CDH3: variants seen among roughly 807,000 people sequenced by gnomAD.
The protein encoded by CDH3 is cadherin-3.
Under a neutral mutation model 82.0 loss-of-function variants are expected in CDH3, and 54 were observed. The ratio of observed to expected loss-of-function variants is 0.66; its 90% CI spans 0.53 to 0.83. CDH3 has a LOEUF of 0.83. Among genes scored for constraint, CDH3 ranks in the 40% least tolerant of loss-of-function variants. The pLI, the probability that CDH3 is intolerant of heterozygous loss-of-function variation, is 0.00. For missense variants in CDH3, 1,054 were observed against 1,084.6 expected (o/e 0.97, Z 0.40); for synonymous variants, 446 against 437.9 (o/e 1.02, Z -0.23).
chr16:68,667,202 A>G (rs1214165969), intron 2 of CDH3, among the ~76,000 whole-genome samples: 1 of 152,120 alleles, frequency 6.6e-6, no homozygotes, highest in Admixed American at 6.6e-5. Flanking sequence ...ACTTCCACCT[A>G]CTTTTCCCCG....
At chr16:68,698,048 T>C (rs1190086977) in intron 15 of CDH3, 143 bp from the exon 16 acceptor site, 6 of 785,248 alleles carry the variant, frequency 7.6e-6, no homozygotes, top group Non-Finnish European at 1.1e-5. Context: ...GAATGAATTC[T>C]GCATGAATAA....
downstream of CDH3, among the ~76,000 whole-genome samples, chr16:68,731,760 C>T (rs1394061566): frequency 6.6e-6 from 1 of 151,716 alleles, no homozygotes; most frequent in Non-Finnish European, 1.5e-5. Context: ...TTGGCTTGAG[C>T]CCAGGAGGTA....
rs777030574 is a variant in CDH3, at chr16:68,678,610, T to G, written c.500T>G (p.Leu167Trp). Residue 167 changes from leucine to tryptophan, a missense_variant, in exon 5 of 16, where the codon TTG (leucine) becomes TGG (tryptophan). Transcript: ENST00000264012. ...GCTGTAGAGAAGGAGACAGGCTGGT[T>G]GTTGTTGAATAAGCCACTGGACCGG... Reference protein sequence around the residue: ...VFAVEKETGWLLLNKPLDREE... With the variant: ...VFAVEKETGWWLLNKPLDREE... The G allele has an allele frequency of 5.6e-6, 9 of 1,614,004 alleles. No individual in the cohort carries two copies.
At position 68,659,318 on chromosome 16, in the gene CDH3, T is replaced by C. The variant is rs143094920; in HGVS notation, c.160+13568T>C. On this transcript the variant is annotated intron_variant, in intron 2 of 15. Transcript: ENST00000264012. ...GTATGGTGGCTCACAACTGTAATTCTAGCACTGTGGGAGGTTGAGGTGGGA... is the reference window on the plus strand; with the variant it reads ...GTATGGTGGCTCACAACTGTAATTCCAGCACTGTGGGAGGTTGAGGTGGGA... Among the ~76,000 whole-genome samples, 18 of 152,222 alleles carry C rather than the reference T, an allele frequency of 1.2e-4. No individual in the cohort carries two copies. In the East Asian group the frequency reaches 3.5e-3, roughly 29 times the overall value.
chr16:68,648,680 G>A (rs933188676), intron 2 of CDH3, among the ~76,000 whole-genome samples: 14 of 151,950 alleles, frequency 9.2e-5, no homozygotes, highest in African/African-American at 3.4e-4. Flanking sequence ...CAAACTCTGG[G>A]CTCAAGCAAT....
At chr16:68,697,927 A>T (rs1961780011) in intron 15 of CDH3, among the ~76,000 whole-genome samples, 1 of 152,224 alleles carries the variant, frequency 6.6e-6, no homozygotes, top group Admixed American at 6.5e-5. Context: ...GCCCAAGGCC[A>T]CAAAGCTAGT....
chr16:68,680,834 C>A, intron 7 of CDH3, 134 bp from the exon 8 acceptor site: 2 of 972,132 alleles, frequency 2.1e-6, no homozygotes, highest in Non-Finnish European at 3.3e-6. Context: ...GAGGGGTGGT[C>A]AAGGAGTCAG....
chr16:68,693,971 T>C (rs1418316923), intron 13 of CDH3, among the ~76,000 whole-genome samples: 2 of 151,984 alleles, frequency 1.3e-5, no homozygotes, highest in African/African-American at 4.8e-5. Flanking sequence ...ATTCCAACAC[T>C]GGGGCTGGGC....
intron 1 of CDH3, among the ~76,000 whole-genome samples, chr16:68,717,978 T>C (rs972634205): frequency 1.3e-5 from 2 of 152,134 alleles, no homozygotes; most frequent in East Asian, 1.9e-4. Context: ...TTTTTCCTTT[T>C]CTTTTCTTTT....
intron 1 of CDH3, among the ~76,000 whole-genome samples, chr16:68,711,709 G>A (rs1298151935): frequency 6.6e-6 from 1 of 152,228 alleles, no homozygotes; most frequent in Non-Finnish European, 1.5e-5. Context: ...CACTGGGGTG[G>A]TTTCCCAGGA....
intron 2 of CDH3, among the ~76,000 whole-genome samples, chr16:68,653,681 TC>T (rs1960316393): frequency 6.6e-6 from 1 of 151,114 alleles, no homozygotes; most frequent in Non-Finnish European, 1.5e-5. Context: ...TCTTTTCTTT[TC>T]TTTTCTTTCT....
At chr16:68,728,863 A>G (rs1022135748), downstream of CDH3, among the ~76,000 whole-genome samples, 7 of 152,210 alleles carry the variant, frequency 4.6e-5, no homozygotes, top group African/African-American at 1.7e-4. Context: ...ATACAATGCT[A>G]TGGGAGCGCC....
intron 2 of CDH3, among the ~76,000 whole-genome samples, chr16:68,658,311 T>C (rs1960462982): frequency 6.6e-6 from 1 of 152,158 alleles, no homozygotes; most frequent in African/African-American, 2.4e-5. Flanking sequence ...AGAGACCTAA[T>C]GGTATATATC....
At chr16:68,654,564 G>A (rs567208070) in intron 2 of CDH3, among the ~76,000 whole-genome samples, 26 of 142,396 alleles carry the variant, frequency 1.8e-4, no homozygotes, top group Non-Finnish European at 2.6e-4. Flanking sequence ...TTAGCTGGGC[G>A]TGGTGGCAGG....
chr16:68,676,347 C>T (rs764057460), intron 2 of CDH3, 38 bp from the exon 3 acceptor site: 21 of 1,472,972 alleles, frequency 1.4e-5, no homozygotes, highest in Non-Finnish European at 1.9e-5. Flanking sequence ...CCAGAATACT[C>T]CTGCCTTCCT....
downstream of CDH3, among the ~76,000 whole-genome samples, chr16:68,729,861 T>C (rs1390231741): frequency 6.6e-6 from 1 of 152,022 alleles, no homozygotes; most frequent in African/African-American, 2.4e-5. Flanking sequence ...TCTGAACTCC[T>C]GAGCTCAAGC....
intron 2 of CDH3, among the ~76,000 whole-genome samples, chr16:68,673,603 A>T (rs1021400565): frequency 6.6e-6 from 1 of 152,072 alleles, no homozygotes. Flanking sequence ...GAACAGGTGC[A>T]TACCACCATG....
intron 2 of CDH3, among the ~76,000 whole-genome samples, chr16:68,654,249 C>T (rs1167292372): frequency 6.7e-6 from 1 of 150,172 alleles, no homozygotes; most frequent in Non-Finnish European, 1.5e-5. Context: ...TTAGTAGAGA[C>T]AGGGTTTCAC....
At chr16:68,672,401 A>G (rs1194677432) in intron 2 of CDH3, among the ~76,000 whole-genome samples, 1 of 152,168 alleles carries the variant, frequency 6.6e-6, no homozygotes, top group East Asian at 1.9e-4. Flanking sequence ...TAAATAACCT[A>G]TGGAGTAAGT....
Sources: allele counts gnomAD v4.1 joint callset (sites outside exome capture counted in the v4.1 genomes callset), GRCh38; gene constraint gnomAD v4.1.1; transcripts MANE v1.5; gene names NCBI Gene and HGNC (gene_info 2026-07-23, HGNC 2026-07-21).